RABGAP1L: variants seen among roughly 807,000 people sequenced by gnomAD.
RABGAP1L encodes RAB GTPase activating protein 1 like, also known as rab GTPase-activating protein 1-like.
RABGAP1L carries 63 observed loss-of-function variants against 137.7 expected under a neutral mutation model. That is an observed-to-expected ratio of 0.46 (90% CI 0.37 to 0.56). RABGAP1L has a LOEUF of 0.56. RABGAP1L is among the 20% of genes least tolerant of loss of function. The pLI is 0.00. For missense variants in RABGAP1L, 1,095 were observed against 1,244.0 expected (o/e 0.88, Z 1.80); for synonymous variants, 431 against 433.7 (o/e 0.99, Z 0.08).
intron 19 of RABGAP1L, among the ~76,000 whole-genome samples, chr1:174,917,585 G>T (rs1573816937): frequency 6.6e-6 from 1 of 152,148 alleles, no homozygotes; most frequent in Admixed American, 6.5e-5. Flanking sequence ...GATCTAAGCT[G>T]CACTATTTAC....
chr1:174,632,145 A>T, intron 13 of RABGAP1L, among the ~76,000 whole-genome samples: 2 of 115,504 alleles, frequency 1.7e-5, no homozygotes, highest in Admixed American at 8.7e-5. Flanking sequence ...TTTCTCCTTC[A>T]CTTATGAAGC....
intron 13 of RABGAP1L, among the ~76,000 whole-genome samples, chr1:174,480,054 A>G (rs891512028): frequency 6.6e-6 from 1 of 152,156 alleles, no homozygotes; most frequent in Non-Finnish European, 1.5e-5. Flanking sequence ...TTCATTTAAG[A>G]CAGAAGTTAA....
chr1:174,516,943 A>AT (rs1375757760), intron 13 of RABGAP1L, among the ~76,000 whole-genome samples: 1 of 150,132 alleles, frequency 6.7e-6, no homozygotes, highest in Non-Finnish European at 1.5e-5. Context: ...AAATAAATAA[A>AT]TAAATAAATA....
At chr1:174,778,113 A>G (rs377195237) in intron 18 of RABGAP1L, among the ~76,000 whole-genome samples, 2 of 152,346 alleles carry the variant, frequency 1.3e-5, no homozygotes, top group East Asian at 1.9e-4. Flanking sequence ...AAGGCGTGTT[A>G]TGATGAAATT....
intron 13 of RABGAP1L, among the ~76,000 whole-genome samples, chr1:174,424,776 C>CATTTA (rs1462429434): frequency 1.3e-5 from 2 of 151,846 alleles, no homozygotes; most frequent in Non-Finnish European, 2.9e-5. Context: ...ATTTTATTGA[C>CATTTA]TTGTATATCA....
intron 19 of RABGAP1L, among the ~76,000 whole-genome samples, chr1:174,824,729 A>T (rs751341828): frequency 6.6e-5 from 10 of 152,192 alleles, no homozygotes; most frequent in Admixed American, 1.3e-4. Flanking sequence ...CAAATAACTA[A>T]ATCTAATTAA....
intron 13 of RABGAP1L, among the ~76,000 whole-genome samples, chr1:174,575,022 C>T (rs1032188854): frequency 1.3e-5 from 2 of 152,190 alleles, no homozygotes; most frequent in Non-Finnish European, 1.5e-5. Flanking sequence ...CCTCCGCCTC[C>T]CAGGTTCAAG....
At chr1:174,868,648 A>G (rs549063099) in intron 19 of RABGAP1L, among the ~76,000 whole-genome samples, 8 of 152,352 alleles carry the variant, frequency 5.3e-5, no homozygotes, top group Non-Finnish European at 5.9e-5. Flanking sequence ...AGGTTACAAT[A>G]GATTAATATC....
At position 174,195,540 on chromosome 1, in the gene RABGAP1L, T is replaced by C. The variant is rs145277687; in HGVS notation, c.-33-23585T>C. ...ATTGTTTGGTTTCCAATTCCTGTTATGATACTAGTAACTTTGGGTAGGGTT... is the reference window on the plus strand; with the variant it reads ...ATTGTTTGGTTTCCAATTCCTGTTACGATACTAGTAACTTTGGGTAGGGTT... On this transcript the variant is annotated intron_variant, in intron 1 of 25. Coordinates refer to ENST00000681986, the MANE Select transcript of RABGAP1L (RefSeq NM_001366446.1). Among the ~76,000 whole-genome samples the C allele has an allele frequency of 5.3e-5, 8 of 152,124 alleles. No individual in the cohort carries two copies. In the East Asian group the frequency reaches 1.5e-3, roughly 29 times the overall value.
chr1:174,414,467 T>G (rs1650313486), intron 13 of RABGAP1L, among the ~76,000 whole-genome samples: 1 of 152,152 alleles, frequency 6.6e-6, no homozygotes, highest in South Asian at 2.1e-4. Context: ...CTATCTAGGA[T>G]ACTGTCCTAC....
At chr1:174,760,755 C>T (rs12136301) in intron 18 of RABGAP1L, among the ~76,000 whole-genome samples, 8,623 of 152,246 alleles carry the variant, frequency 0.057, 331 homozygotes, top group Non-Finnish European at 0.087. Context: ...AAACTGCTTT[C>T]CATGGTGGCT....
At chr1:174,907,616 C>T (rs901869991) in intron 19 of RABGAP1L, among the ~76,000 whole-genome samples, 2 of 152,056 alleles carry the variant, frequency 1.3e-5, no homozygotes, top group African/African-American at 4.8e-5. Context: ...CACCTGGCCC[C>T]TATGTTGTCA....
intron 12 of RABGAP1L, among the ~76,000 whole-genome samples, chr1:174,385,876 T>C (rs961819981): frequency 2.0e-5 from 3 of 152,192 alleles, no homozygotes; most frequent in African/African-American, 7.2e-5. Context: ...TCAGCAGATA[T>C]AGATAGCTCT....
chr1:174,540,807 GTAGT>G (rs1276100573), intron 13 of RABGAP1L, among the ~76,000 whole-genome samples: 2 of 152,196 alleles, frequency 1.3e-5, no homozygotes. Context: ...GAACTTTAAA[GTAGT>G]TTTTTCCAAT....
intron 19 of RABGAP1L, among the ~76,000 whole-genome samples, chr1:174,900,451 G>T (rs72717650): frequency 0.2 from 29,870 of 152,144 alleles, 3,361 homozygotes; most frequent in Admixed American, 0.24. Context: ...TGGTGTGTGT[G>T]GTCTATGTAA....
At chr1:174,922,289 G>T in intron 19 of RABGAP1L, 1 of 168,528 alleles carries the variant, frequency 5.9e-6, no homozygotes, top group South Asian at 1.5e-4. Context: ...AATAATCCCT[G>T]ACAGCTGTAG....
intron 20 of RABGAP1L, among the ~76,000 whole-genome samples, chr1:174,967,447 C>T (rs1482961660): frequency 1.3e-5 from 2 of 151,274 alleles, no homozygotes; most frequent in African/African-American, 2.4e-5. Flanking sequence ...AAGCAATTCT[C>T]CTGCCTCAGC....
At chr1:174,396,556 A>C (rs980462989) in intron 13 of RABGAP1L, among the ~76,000 whole-genome samples, 4 of 152,040 alleles carry the variant, frequency 2.6e-5, no homozygotes, top group African/African-American at 9.7e-5. Context: ...TTCAGAGATC[A>C]TAACTCTGGG....
At chr1:174,733,271 G>A (rs922704577) in intron 17 of RABGAP1L, among the ~76,000 whole-genome samples, 2 of 152,158 alleles carry the variant, frequency 1.3e-5, no homozygotes, top group South Asian at 2.1e-4. Flanking sequence ...CAGGCTGCAG[G>A]GGTCAAGGAG....
Sources: allele counts gnomAD v4.1 joint callset (sites outside exome capture counted in the v4.1 genomes callset), GRCh38; gene constraint gnomAD v4.1.1; transcripts MANE v1.5; gene names NCBI Gene and HGNC (gene_info 2026-07-23, HGNC 2026-07-21).